CPA6: variants seen among roughly 807,000 people sequenced by gnomAD.
The protein encoded by CPA6 is carboxypeptidase A6, also known as carboxypeptidase B.
A neutral mutation model predicts 63.3 loss-of-function variants in CPA6; 58 were observed. The observed-to-expected ratio is 0.92, with a 90% CI of 0.74 to 1.14. CPA6 has a LOEUF of 1.14. Ranked by LOEUF, CPA6 falls within the 50% of genes most tolerant of loss-of-function variation. The probability of loss-of-function intolerance (pLI) is 0.00; values close to 1 mark genes in which losing one functional copy is unlikely to be tolerated. For missense variants in CPA6, 565 were observed against 526.6 expected, an observed-to-expected ratio of 1.07 and a Z score of -0.71; for synonymous variants, 185 against 179.0, an observed-to-expected ratio of 1.03 and a Z score of -0.27.
At chr8:67,556,424 C>T (rs1431276447) in intron 2 of CPA6, among the ~76,000 whole-genome samples, 1 of 152,144 alleles carries the variant, frequency 6.6e-6, no homozygotes, top group African/African-American at 2.4e-5. Flanking sequence ...CTGCACAGAA[C>T]TTGAAGGTGA....
rs563659642 is a variant in CPA6, at chr8:67,682,974, C to G, written c.117-58723G>C. On this transcript the variant is annotated intron_variant, in intron 1 of 10. Transcript: ENST00000297770. ...AAGACCTGGGTGATCCCCTGCAGAT[C>G]TGCAGAATATTCTTTGTCTTCTTGT... Among the ~76,000 whole-genome samples the G allele has an allele frequency of 1.6e-4, 24 of 152,334 alleles. No homozygotes were observed. The South Asian group carries it at 5.0e-3, about 32-fold the overall frequency.
At chr8:67,614,607 A>G (rs1218367484) in intron 2 of CPA6, among the ~76,000 whole-genome samples, 2 of 152,150 alleles carry the variant, frequency 1.3e-5, no homozygotes, top group East Asian at 3.9e-4. Flanking sequence ...TATCATTATA[A>G]TACTAGAAAT....
At chr8:67,702,831 C>T (rs1817054439) in intron 1 of CPA6, among the ~76,000 whole-genome samples, 1 of 152,152 alleles carries the variant, frequency 6.6e-6, no homozygotes, top group Admixed American at 6.5e-5. Context: ...CAGAATCATG[C>T]CAATGTATAA....
chr8:67,552,244 G>A (rs914166735), intron 2 of CPA6, among the ~76,000 whole-genome samples: 6 of 152,176 alleles, frequency 3.9e-5, no homozygotes, highest in East Asian at 1.9e-4. Context: ...ATTCATAAAC[G>A]GAATAGGAGT....
At chr8:67,489,383 T>C (rs1811556711) in intron 6 of CPA6, among the ~76,000 whole-genome samples, 1 of 152,196 alleles carries the variant, frequency 6.6e-6, no homozygotes, top group Non-Finnish European at 1.5e-5. Flanking sequence ...TTGCATTCTA[T>C]ATGTCTATCA....
At chr8:67,693,355 TCA>T (rs1482850882) in intron 1 of CPA6, among the ~76,000 whole-genome samples, 1 of 152,246 alleles carries the variant, frequency 6.6e-6, no homozygotes, top group Non-Finnish European at 1.5e-5. Flanking sequence ...AACAGGGCAC[TCA>T]CAGGATGTGG....
chr8:67,707,151 T>C (rs1337724522), intron 1 of CPA6, among the ~76,000 whole-genome samples: 1 of 152,192 alleles, frequency 6.6e-6, no homozygotes, highest in Non-Finnish European at 1.5e-5. Flanking sequence ...GATATAGGAC[T>C]CTAACAGGTG....
intron 9 of CPA6, among the ~76,000 whole-genome samples, chr8:67,428,759 A>G: frequency 6.6e-6 from 1 of 152,216 alleles, no homozygotes; most frequent in Non-Finnish European, 1.5e-5. Flanking sequence ...CTGGTACTAC[A>G]GACATGAGTC....
intron 1 of CPA6, among the ~76,000 whole-genome samples, chr8:67,675,780 C>T (rs1816458753): frequency 6.6e-6 from 1 of 152,200 alleles, no homozygotes; most frequent in South Asian, 2.1e-4. Flanking sequence ...TGCTGCAGGG[C>T]ACTGTTGATC....
chr8:67,577,951 G>A (rs1813669029), intron 2 of CPA6, among the ~76,000 whole-genome samples: 1 of 152,082 alleles, frequency 6.6e-6, no homozygotes, highest in African/African-American at 2.4e-5. Flanking sequence ...CCTTAGAGCA[G>A]GATTTAGCAA....
At chr8:67,729,579 A>G (rs1237846515) in intron 1 of CPA6, among the ~76,000 whole-genome samples, 10 of 152,214 alleles carry the variant, frequency 6.6e-5, no homozygotes. Flanking sequence ...CAATTAAAGT[A>G]CAAAATAGTT....
At chr8:67,509,300 A>C (rs545286899) in intron 5 of CPA6, among the ~76,000 whole-genome samples, 1 of 152,328 alleles carries the variant, frequency 6.6e-6, no homozygotes, top group Admixed American at 6.5e-5. Flanking sequence ...TCGCATCAAT[A>C]ACTGAAAATG....
At chr8:67,511,735 G>C (rs1210353679) in intron 3 of CPA6, 80 bp from the exon 4 acceptor site, 3 of 781,738 alleles carry the variant, frequency 3.8e-6, no homozygotes, top group Admixed American at 1.9e-5. Flanking sequence ...AAAATCATAT[G>C]CATCTATGTA....
intron 1 of CPA6, among the ~76,000 whole-genome samples, chr8:67,724,482 A>G (rs1016037007): frequency 1.3e-5 from 2 of 152,210 alleles, no homozygotes; most frequent in Non-Finnish European, 2.9e-5. Context: ...CCCACTGAGC[A>G]CCACTTCACC....
chr8:67,655,975 C>G (rs1815974768), intron 1 of CPA6, among the ~76,000 whole-genome samples: 1 of 152,136 alleles, frequency 6.6e-6, no homozygotes, highest in Non-Finnish European at 1.5e-5. Context: ...ACGTAAAATA[C>G]TTGGTGTTGC....
At chr8:67,459,281 C>A (rs927665432) in intron 8 of CPA6, among the ~76,000 whole-genome samples, 18 of 152,116 alleles carry the variant, frequency 1.2e-4, no homozygotes, top group Admixed American at 1.2e-3. Flanking sequence ...GCTTTGGCCT[C>A]CCAAAGTGCT....
At chr8:67,595,524 G>C (rs900798345) in intron 2 of CPA6, among the ~76,000 whole-genome samples, 3 of 152,204 alleles carry the variant, frequency 2.0e-5, no homozygotes, top group Admixed American at 6.5e-5. Flanking sequence ...CTTGAGCTGT[G>C]GTGGGCTCCA....
At chr8:67,486,159 G>A (rs1052813223) in intron 6 of CPA6, among the ~76,000 whole-genome samples, 1 of 152,154 alleles carries the variant, frequency 6.6e-6, no homozygotes, top group African/African-American at 2.4e-5. Context: ...ATAATTTTCT[G>A]TTGTTAAACC....
At chr8:67,460,784 G>T (rs1460466878) in intron 8 of CPA6, among the ~76,000 whole-genome samples, 3 of 152,102 alleles carry the variant, frequency 2.0e-5, no homozygotes, top group Non-Finnish European at 4.4e-5. Context: ...TATAATAAAA[G>T]AATATATTTT....
Sources: allele counts gnomAD v4.1 joint callset (sites outside exome capture counted in the v4.1 genomes callset), GRCh38; gene constraint gnomAD v4.1.1; transcripts MANE v1.5; gene names NCBI Gene and HGNC (gene_info 2026-07-23, HGNC 2026-07-21).